Variants in WDR73 observed in about 807,000 individuals in gnomAD.
WDR73 encodes WD repeat domain 73.
WDR73 carries 30 observed loss-of-function variants against 38.2 expected under a neutral mutation model. The ratio of observed to expected loss-of-function variants is 0.79; its 90% CI spans 0.59 to 1.06. WDR73 has a LOEUF of 1.06. WDR73 is among the 50% of genes least tolerant of loss of function. The pLI, the probability that WDR73 is intolerant of heterozygous loss-of-function variation, is 0.00. For missense variants in WDR73, 487 were observed against 467.0 expected, an observed-to-expected ratio of 1.04 and a Z score of -0.40; for synonymous variants, 197 against 176.0, an observed-to-expected ratio of 1.12 and a Z score of -0.94.
At chr15:84,653,841 T>C (rs1812019133) in intron 1 of WDR73, 142 bp from the exon 2 acceptor site, 1 of 707,066 alleles carries the variant, frequency 1.4e-6, no homozygotes, top group Non-Finnish European at 2.5e-6. Context: ...TTTTACTCCC[T>C]GTTTCTGGGA....
Position 84,643,365 on chromosome 15 carries a change from A to G in WDR73, c.*105T>C, listed in dbSNP as rs1238805549. Reference sequence around the variant, plus strand: ...CGCTGGCAGACTTGCCCAAGGCCACACAGCTGGTAACAGGGACTGGTAGTC... The same window carrying G: ...CGCTGGCAGACTTGCCCAAGGCCACGCAGCTGGTAACAGGGACTGGTAGTC... On this transcript the variant is annotated 3_prime_UTR_variant, in exon 8 of 8. Coordinates refer to ENST00000434634, the MANE Select transcript of WDR73 (RefSeq NM_032856.5). 5 of 1,407,312 alleles carry G rather than the reference A, an allele frequency of 3.6e-6. No individual in the cohort carries two copies. Among genetic ancestry groups the G allele is most frequent in the Non-Finnish European group, 1.9e-6 (2 of 1,051,622 alleles). 87.2% of individuals were successfully genotyped at this position (1,407,312 alleles called of 1,614,324 possible).
At chr15:84,648,796 C>T (rs1015504768) in intron 3 of WDR73, among the ~76,000 whole-genome samples, 171 bp from the exon 4 acceptor site, 2 of 152,210 alleles carry the variant, frequency 1.3e-5, no homozygotes, top group African/African-American at 2.4e-5. Flanking sequence ...GCTGCCTACA[C>T]GTACAGCTTC....
chr15:84,653,913 C>A, intron 1 of WDR73: 2 of 605,350 alleles, frequency 3.3e-6, no homozygotes, highest in South Asian at 4.0e-5. Context: ...CCAGGGTACC[C>A]AGATTTCCCA....
rs7237 is a variant in WDR73 at position 84,643,346 on chromosome 15, C to T, written c.*124G>A. ...GGAAACTGAGGCTAAGTGACGCTGG[C>T]AGACTTGCCCAAGGCCACACAGCTG... On this transcript the variant is annotated 3_prime_UTR_variant, in exon 8 of 8. Coordinates refer to ENST00000434634, the MANE Select transcript of WDR73 (RefSeq NM_032856.5). 0.23 allele frequency: 286,212 copies of T among 1,218,342 alleles called. 35,480 individuals are homozygous for T. Among genetic ancestry groups the T allele is most frequent in the Middle Eastern group, 0.34 (1,168 of 3,468 alleles). The allele number at this position is 1,218,342 out of a possible 1,614,324, so 75.5% of individuals were successfully genotyped here.
intron 3 of WDR73, 132 bp downstream of exon 3, chr15:84,652,582 G>T: frequency 1.9e-6 from 1 of 529,792 alleles, no homozygotes; most frequent in Non-Finnish European, 3.4e-6. Flanking sequence ...CCCTCTGTTA[G>T]ACTAGAAGGG....
intron 3 of WDR73, among the ~76,000 whole-genome samples, chr15:84,651,962 G>A (rs1418953868): frequency 1.3e-5 from 2 of 152,156 alleles, no homozygotes; most frequent in Non-Finnish European, 2.9e-5. Context: ...CCGCCTCCCG[G>A]GTTCAAGCAA....
Position 84,639,418 on chromosome 15 carries a change from A to T in WDR73, c.*4052T>A, listed in dbSNP as rs985668736. 4 of 152,132 alleles carry T rather than the reference A, an allele frequency of 2.6e-5. No individual in the cohort carries two copies. Among genetic ancestry groups the T allele is most frequent in the Non-Finnish European group, 5.9e-5 (4 of 68,024 alleles). 9.4% of individuals were successfully genotyped at this position (152,132 alleles called of 1,614,324 possible). A position where few individuals can be genotyped will look rare whatever the true frequency, so the allele number is the denominator to read the frequency against. ...AGAATCCCCCCAGAATTAAAAAAAA[A>T]AAATTACTATCTCCTCTCCCTGGCA... is the stretch of plus-strand genomic sequence containing the variant. On this transcript the variant is annotated 3_prime_UTR_variant, in exon 8 of 8. Coordinates refer to ENST00000434634, the MANE Select transcript of WDR73 (RefSeq NM_032856.5).
rs1294096162 is a variant in WDR73, at chr15:84,642,253, T to C, written c.*1217A>G. On this transcript the variant is annotated 3_prime_UTR_variant, in exon 8 of 8. Coordinates refer to ENST00000434634, the MANE Select transcript of WDR73 (RefSeq NM_032856.5). ...TACTTGGCAGGCTGAGGCAGGAGCA[T>C]TGCTTGAACCCATGAGGTGGAGGTT... 1 of 151,862 alleles carries C rather than the reference T, an allele frequency of 6.6e-6. No individual in the cohort carries two copies. The highest frequency in any genetic ancestry group is 1.5e-5 in the Non-Finnish European group (1 of 68,050). 9.4% of individuals were successfully genotyped at this position (151,862 alleles called of 1,614,324 possible).
At chr15:84,647,774 G>A in intron 5 of WDR73, 116 bp downstream of exon 5, 3 of 1,008,422 alleles carry the variant, frequency 3.0e-6, no homozygotes, top group Non-Finnish European at 4.7e-6. Context: ...TACAATTACA[G>A]GCATGAGACT....
intron 3 of WDR73, among the ~76,000 whole-genome samples, 199 bp downstream of exon 3, chr15:84,652,515 T>C (rs1397014836): frequency 6.6e-6 from 1 of 152,210 alleles, no homozygotes; most frequent in African/African-American, 2.4e-5. Context: ...CCTCCTCTGA[T>C]AGCCCTCTGT....
chr15:84,643,880 A>G (rs1896355478), intron 7 of WDR73, 157 bp from the exon 8 acceptor site: 1 of 862,640 alleles, frequency 1.2e-6, no homozygotes, highest in Non-Finnish European at 1.7e-6. Flanking sequence ...GCCTCCCAAA[A>G]TGCTGGGATT....
rs145827287 is a variant in WDR73 at position 84,641,868 on chromosome 15, T to G, written c.*1602A>C. 35 of 152,230 alleles carry G rather than the reference T, an allele frequency of 2.3e-4. No homozygotes were observed. Among genetic ancestry groups the G allele is most frequent in the African/African-American group, 8.2e-4 (34 of 41,522 alleles). The allele number at this position is 152,230 out of a possible 1,614,324, so 9.4% of individuals were successfully genotyped here. A position where few individuals can be genotyped will look rare whatever the true frequency, so the allele number is the denominator to read the frequency against. Reference sequence around the variant, plus strand: ...TGTTTAGGTTTTTTAAATAAAAATCTTTCTTTTTTTTTAGAGACAGGGGTT... The same window carrying G: ...TGTTTAGGTTTTTTAAATAAAAATCGTTCTTTTTTTTTAGAGACAGGGGTT... On this transcript the variant is annotated 3_prime_UTR_variant, in exon 8 of 8. Coordinates refer to ENST00000434634, the MANE Select transcript of WDR73 (RefSeq NM_032856.5).
intron 3 of WDR73, among the ~76,000 whole-genome samples, chr15:84,651,166 A>G (rs1896612170): frequency 6.6e-6 from 1 of 151,372 alleles, no homozygotes; most frequent in Non-Finnish European, 1.5e-5. Flanking sequence ...GGCTCATGCC[A>G]GTAATCCCAG....
At chr15:84,644,253 T>G (rs1896367915) in intron 7 of WDR73, 1 of 155,454 alleles carries the variant, frequency 6.4e-6, no homozygotes, top group Non-Finnish European at 1.4e-5. Context: ...TGGCCTTGTC[T>G]CCTACTCGAT....
At chr15:84,644,206 G>C (rs1896366475) in intron 7 of WDR73, 3 of 158,864 alleles carry the variant, frequency 1.9e-5, no homozygotes, top group Admixed American at 1.8e-4. Context: ...AGTTGCCCCA[G>C]AGTCCAGTCC....
chr15:84,648,782 C>T (rs1270878068), intron 3 of WDR73, among the ~76,000 whole-genome samples, 157 bp from the exon 4 acceptor site: 2 of 152,206 alleles, frequency 1.3e-5, no homozygotes, highest in Non-Finnish European at 2.9e-5. Flanking sequence ...CAATGTTGGT[C>T]TCAGCTGCCT....
intron 6 of WDR73, 168 bp from the exon 7 acceptor site, chr15:84,646,004 C>T (rs762518216): frequency 6.5e-7 from 1 of 1,541,912 alleles, no homozygotes; most frequent in South Asian, 1.2e-5. Context: ...GGTGCTGGTC[C>T]CTGGGACTGC....
chr15:84,641,886 CA>C lies in WDR73; in HGVS notation c.*1583del, dbSNP rs1896269416. ...AAAAATCTTTCTTTTTTTTTAGAGA[CA>C]GGGGTTCACCATGGTGCCCAGGCTG... On this transcript the variant is annotated 3_prime_UTR_variant, in exon 8 of 8. Coordinates refer to ENST00000434634, the MANE Select transcript of WDR73 (RefSeq NM_032856.5). 1 of 151,806 alleles carries C rather than the reference CA, an allele frequency of 6.6e-6. No homozygotes were observed. Among genetic ancestry groups the C allele is most frequent in the Non-Finnish European group, 1.5e-5 (1 of 67,948 alleles). 9.4% of individuals were successfully genotyped at this position (151,806 alleles called of 1,614,324 possible).
intron 5 of WDR73, chr15:84,646,637 G>A: frequency 3.4e-6 from 1 of 297,908 alleles, no homozygotes; most frequent in Admixed American, 4.6e-5. Flanking sequence ...TACTTTTGTG[G>A]AGAACAGGTA....
Sources: allele counts gnomAD v4.1 joint callset (sites outside exome capture counted in the v4.1 genomes callset), GRCh38; gene constraint gnomAD v4.1.1; transcripts MANE v1.5; gene names NCBI Gene and HGNC (gene_info 2026-07-23, HGNC 2026-07-21).